SRBD1: variants seen among roughly 807,000 people sequenced by gnomAD.
The protein encoded by SRBD1 is S1 RNA-binding domain-containing protein 1.
In SRBD1, 88 loss-of-function variants were observed where a neutral mutation model predicts 115.3. That is an observed-to-expected ratio of 0.76 (90% confidence interval 0.64 to 0.91). The LOEUF (loss-of-function observed/expected upper bound fraction) is 0.91, where lower values mean the gene tolerates loss of function less well. SRBD1 is among the 40% of genes least tolerant of loss of function. The pLI is 0.00. For synonymous variants in SRBD1, 509 were observed against 407.7 expected, an observed-to-expected ratio of 1.25 and a Z score of -2.99; for missense variants, 1,385 against 1,177.4, an observed-to-expected ratio of 1.18 and a Z score of -2.58.
intron 9 of SRBD1, among the ~76,000 whole-genome samples, chr2:45,572,957 A>G (rs905323401): frequency 3.3e-5 from 5 of 152,174 alleles, no homozygotes; most frequent in East Asian, 1.9e-4. Context: ...CACCAGCCAA[A>G]AAGTCAAGAT....
chr2:45,420,703 G>T (rs564652140), intron 16 of SRBD1, among the ~76,000 whole-genome samples: 1 of 152,202 alleles, frequency 6.6e-6, no homozygotes, highest in South Asian at 2.1e-4. Context: ...AGGTGTCAAG[G>T]TTTTCCATGC....
At chr2:45,402,462 C>T (rs1667317372) in intron 19 of SRBD1, among the ~76,000 whole-genome samples, 1 of 152,098 alleles carries the variant, frequency 6.6e-6, no homozygotes, top group South Asian at 2.1e-4. Flanking sequence ...TCCTATAGTA[C>T]AAATATCACA....
chr2:45,389,256 T>C lies in SRBD1; in HGVS notation c.*54A>G, dbSNP rs2103806279. 1 of 1,577,238 alleles carries C rather than the reference T, an allele frequency of 6.3e-7. No individual in the cohort carries two copies. Among genetic ancestry groups the C allele is most frequent in the African/African-American group, 1.4e-5 (1 of 73,610 alleles). ...AGTTTACAAACAACTGACTTATCCT[T>C]GTCAATCTGTGGAAATGAGAAAATA... On this transcript the variant is annotated 3_prime_UTR_variant, in exon 21 of 21. Coordinates refer to ENST00000263736, the MANE Select transcript of SRBD1 (RefSeq NM_018079.5).
intron 12 of SRBD1, 67 bp from the exon 13 acceptor site, chr2:45,547,679 G>C: frequency 7.5e-7 from 1 of 1,336,914 alleles, no homozygotes; most frequent in Non-Finnish European, 1.0e-6. Context: ...GAATGATTTT[G>C]TTAAGCAAGT....
intron 2 of SRBD1, among the ~76,000 whole-genome samples, chr2:45,604,302 A>G (rs1301903345): frequency 6.8e-6 from 1 of 147,892 alleles, no homozygotes; most frequent in Non-Finnish European, 1.5e-5. Flanking sequence ...GGGAAGATCA[A>G]GTTGGAGATA....
chr2:45,453,906 T>C (rs3821057), intron 16 of SRBD1, among the ~76,000 whole-genome samples: 16,118 of 151,998 alleles, frequency 0.11, 892 homozygotes, highest in South Asian at 0.16. Flanking sequence ...GTAGGACAAA[T>C]GTGGCAATTC....
chr2:45,540,274 G>C (rs1280047942), intron 14 of SRBD1, among the ~76,000 whole-genome samples: 1 of 151,734 alleles, frequency 6.6e-6, no homozygotes, highest in African/African-American at 2.4e-5. Context: ...CCAGGAGGCA[G>C]AGGCTGCAGT....
intron 19 of SRBD1, among the ~76,000 whole-genome samples, chr2:45,394,532 T>C (rs543542191): frequency 1.0e-3 from 159 of 152,350 alleles, no homozygotes; most frequent in African/African-American, 3.7e-3. Flanking sequence ...TTGTCTATAA[T>C]CAGAATGGGG....
chr2:45,411,736 T>C (rs953993330), intron 19 of SRBD1, among the ~76,000 whole-genome samples: 2 of 152,158 alleles, frequency 1.3e-5, no homozygotes, highest in African/African-American at 2.4e-5. Flanking sequence ...ATTATCAAAT[T>C]GTAGTTAATT....
intron 10 of SRBD1, among the ~76,000 whole-genome samples, chr2:45,558,577 TG>T (rs1672555299): frequency 6.6e-6 from 1 of 152,158 alleles, no homozygotes; most frequent in Non-Finnish European, 1.5e-5. Context: ...ACTTATGTAA[TG>T]ACAAGACTGC....
intron 4 of SRBD1, among the ~76,000 whole-genome samples, chr2:45,598,248 G>A (rs1375437989): frequency 6.6e-6 from 1 of 152,168 alleles, no homozygotes. Flanking sequence ...TCAGGAACAA[G>A]GTAAGAGGAA....
At chr2:45,425,783 G>T (rs1008021763) in intron 16 of SRBD1, among the ~76,000 whole-genome samples, 2 of 152,116 alleles carry the variant, frequency 1.3e-5, no homozygotes, top group Non-Finnish European at 2.9e-5. Context: ...CGTGCTGTGA[G>T]GGACTGTGCT....
At chr2:45,603,245 G>A (rs915635211) in intron 2 of SRBD1, among the ~76,000 whole-genome samples, 6 of 152,084 alleles carry the variant, frequency 3.9e-5, no homozygotes, top group African/African-American at 1.2e-4. Context: ...CACAGATACC[G>A]TTGTGTTATA....
chr2:45,599,678 C>G lies in SRBD1; in HGVS notation c.419G>C (p.Ser140Thr). The change falls in exon 4 of 21, where the codon AGC becomes ACC. Residue 140 changes from serine (S) to threonine (T), a missense_variant. Ser to Thr is a moderately conservative substitution (Grantham distance 58, BLOSUM62 1). Transcript: ENST00000263736. The stretch of plus-strand genomic sequence containing the variant: ...CTCACCCTCTAAGTTGCTGGCTTTG[C>G]TGGTTTCTTCTTCAACTTTCAGCTT... ...TKKLKVEEET[S>T]KASNLEGESN... is the part of the protein sequence containing the mutation. 1 of 1,614,200 alleles carries G rather than the reference C, an allele frequency of 6.2e-7. No homozygotes were observed. Among genetic ancestry groups the G allele is most frequent in the South Asian group, 1.1e-5 (1 of 91,082 alleles).
chr2:45,392,365 G>T (rs371676377), intron 20 of SRBD1, among the ~76,000 whole-genome samples: 1 of 152,176 alleles, frequency 6.6e-6, no homozygotes, highest in African/African-American at 2.4e-5. Context: ...TAGGTCATTT[G>T]ATACTGTAAT....
intron 15 of SRBD1, among the ~76,000 whole-genome samples, chr2:45,479,995 A>G (rs1645334766): frequency 2.0e-5 from 3 of 152,152 alleles, no homozygotes; most frequent in African/African-American, 4.8e-5. Context: ...TGCTCTATCA[A>G]TGAAACAACA....
At chr2:45,542,367 CCT>C (rs1671972052) in intron 14 of SRBD1, among the ~76,000 whole-genome samples, 2 of 152,218 alleles carry the variant, frequency 1.3e-5, no homozygotes, top group South Asian at 4.1e-4. Context: ...ATCGCAGGCC[CCT>C]GAGAGTGCAG....
chr2:45,508,102 G>A (rs367782073), intron 14 of SRBD1, among the ~76,000 whole-genome samples: 4 of 152,104 alleles, frequency 2.6e-5, no homozygotes, highest in Admixed American at 6.5e-5. Context: ...TTAGAAGGTT[G>A]TTCAGCTATT....
chr2:45,477,739 G>T (rs1030565016), intron 15 of SRBD1, among the ~76,000 whole-genome samples: 1 of 152,224 alleles, frequency 6.6e-6, no homozygotes, highest in Non-Finnish European at 1.5e-5. Context: ...TGCAACCAGA[G>T]ATCAAGTTAC....
Sources: gnomAD v4.1 joint callset for allele counts (sites outside exome capture counted in the v4.1 genomes callset) on GRCh38, gnomAD v4.1.1 for gene constraint, MANE v1.5 for transcripts, NCBI Gene and HGNC (gene_info 2026-07-23, HGNC 2026-07-21) for gene names.